RAPGEFL1: variants seen among roughly 807,000 people sequenced by gnomAD.
RAPGEFL1 encodes the protein Rap guanine nucleotide exchange factor like 1, also known as rap guanine nucleotide exchange factor-like 1.
A neutral mutation model predicts 64.4 loss-of-function variants in RAPGEFL1; 31 were observed. The observed-to-expected ratio is 0.48, with a 90% CI of 0.36 to 0.65. RAPGEFL1 has a LOEUF of 0.65. Among genes scored for constraint, RAPGEFL1 ranks in the 30% least tolerant of loss-of-function variants. RAPGEFL1 has a pLI of 0.00. For synonymous variants in RAPGEFL1, 331 were observed against 274.1 expected (o/e 1.21, Z -2.05); for missense variants, 682 against 677.4 (o/e 1.01, Z -0.08).
At position 40,193,840 on chromosome 17, in the gene RAPGEFL1, G is replaced by A; in HGVS notation, c.*52G>A. The A allele has an allele frequency of 1.9e-6, 3 of 1,610,420 alleles. No individual in the cohort carries two copies. Among genetic ancestry groups the A allele is most frequent in the African/African-American group, 1.3e-5 (1 of 74,900 alleles). On this transcript the variant is annotated 3_prime_UTR_variant, in exon 15 of 15. Transcript: ENST00000620260. ...AGATCCTTGGGCACCTGGCACTCAA[G>A]CACTTTGCACGATGTCTCAACCAAC...
At chr17:40,181,419 C>A in intron 1 of RAPGEFL1, 197 bp from the exon 2 acceptor site, 2 of 630,966 alleles carry the variant, frequency 3.2e-6, no homozygotes, top group Non-Finnish European at 5.9e-6. Flanking sequence ...AGCTGCCGAA[C>A]CCACCCTCGC....
upstream of RAPGEFL1, chr17:40,177,436 G>A (rs1989741501): frequency 4.5e-6 from 3 of 659,420 alleles, no homozygotes; most frequent in South Asian, 1.6e-5. Context: ...ACTGGGCGGG[G>A]ACTGGAGGAG....
rs1043771691 is a variant in RAPGEFL1 at position 40,189,371 on chromosome 17, T to C, written c.1110T>C (p.Ser370=). The change falls in exon 6 of 15, where the codon TCT becomes TCC. Residue 370 remains serine (S), a synonymous_variant. Transcript: ENST00000620260. ...TCATCCTGGTAGCTGTGTCCTCCTC[T>C]GGAGGTGAGGGTCAGGAAGAACTGG... ...DSLILVAVSS[S]GEKVLLQPTE... 15 of 1,613,884 alleles carry C rather than the reference T, an allele frequency of 9.3e-6. No homozygotes were observed. Among genetic ancestry groups the C allele is most frequent in the Non-Finnish European group, 1.2e-5 (14 of 1,179,986 alleles).
Position 40,192,702 on chromosome 17 carries a change from G to A in RAPGEFL1, c.1744+9G>A. ...GCCTCTGATCCTCAAAGGTGAGAGA[G>A]TTACTCCCAAGCTGTGCCGCTTCCA... On this transcript the variant is annotated intron_variant, in intron 12 of 14. Transcript: ENST00000620260. The A allele has an allele frequency of 6.2e-7, 1 of 1,609,196 alleles. No individual in the cohort carries two copies.
Position 40,188,899 on chromosome 17 carries a change from G to A in RAPGEFL1, c.867G>A (p.Gln289=), listed in dbSNP as rs1341749330. The A allele has an allele frequency of 6.2e-7, 1 of 1,614,142 alleles. No individual in the cohort carries two copies. The highest frequency in any genetic ancestry group is 8.5e-7 in the Non-Finnish European group (1 of 1,180,034). The change falls in exon 5 of 15, where the codon CAG becomes CAA. Residue 289 remains glutamine, a synonymous_variant. Transcript: ENST00000620260. The part of the protein sequence containing the change: ...IPEENQPPSK[Q]VKPLFRHFRR... Reference sequence around the variant, plus strand: ...AGGAGAACCAGCCACCCAGCAAGCAGGTGAAGCCACTCTTCCGCCACTTCC... The same window carrying A: ...AGGAGAACCAGCCACCCAGCAAGCAAGTGAAGCCACTCTTCCGCCACTTCC...
intron 2 of RAPGEFL1, among the ~76,000 whole-genome samples, chr17:40,183,744 T>C (rs8071687): frequency 0.081 from 12,213 of 150,438 alleles, 1,189 homozygotes; most frequent in African/African-American, 0.23. Flanking sequence ...TGGTCTCAAA[T>C]TCCTGACCTT....
rs201401157 is a variant in RAPGEFL1, at chr17:40,193,818, T to C, written c.*30T>C. On this transcript the variant is annotated 3_prime_UTR_variant, in exon 15 of 15. Coordinates refer to ENST00000620260, the MANE Select transcript of RAPGEFL1 (RefSeq NM_016339.6). ...GGAGGCTCCAGTCAGACCCGCCAGA[T>C]CCTTGGGCACCTGGCACTCAAGCAC... is the stretch of plus-strand genomic sequence containing the variant. The C allele has an allele frequency of 1.2e-4, 194 of 1,613,358 alleles. No homozygotes were observed. In the Middle Eastern group the frequency reaches 2.0e-3, roughly 16 times the overall value.
In RAPGEFL1 at chr17:40,193,651, C is replaced by T. The variant is rs907256096; in HGVS notation, c.1865-13C>T. 1 of 1,613,990 alleles carries T rather than the reference C, an allele frequency of 6.2e-7. No homozygotes were observed. Among genetic ancestry groups the T allele is most frequent in the African/African-American group, 1.3e-5 (1 of 74,908 alleles). On this transcript the variant is annotated splice_polypyrimidine_tract_variant and intron_variant, in intron 14 of 14. Coordinates refer to ENST00000620260, the MANE Select transcript of RAPGEFL1 (RefSeq NM_016339.6). ...GCTGGGAACCTGACTGCCTCTCCCT[C>T]TTTACCCACTAGGCCTGGACATGGA...
intron 6 of RAPGEFL1, 63 bp downstream of exon 6, chr17:40,189,438 G>A (rs1990186365): frequency 3.2e-6 from 5 of 1,568,090 alleles, no homozygotes; most frequent in Non-Finnish European, 4.4e-6. Flanking sequence ...TCAGGGCTCT[G>A]GGGGAGGGGT....
In RAPGEFL1 at chr17:40,177,481, T is replaced by G; in HGVS notation, c.-381T>G. The stretch of plus-strand genomic sequence containing the variant: ...TCTCGGTTCTGCCACCTTCCCCCTC[T>G]TCACGGCCAGGAGCGCAGCCGCCGC... On this transcript the variant is annotated 5_prime_UTR_variant, in exon 1 of 15. Coordinates refer to ENST00000620260, the MANE Select transcript of RAPGEFL1 (RefSeq NM_016339.6). The G allele has an allele frequency of 4.8e-6, 3 of 621,696 alleles. No individual in the cohort carries two copies. The highest frequency in any genetic ancestry group is 5.8e-6 in the Non-Finnish European group (2 of 347,000). The allele number at this position is 621,696 out of a possible 1,614,324, so 38.5% of individuals were successfully genotyped here. A position where few individuals can be genotyped will look rare whatever the true frequency, so the allele number is the denominator to read the frequency against.
intron 4 of RAPGEFL1, among the ~76,000 whole-genome samples, chr17:40,185,785 A>G (rs972713421): frequency 2.2e-5 from 3 of 137,404 alleles, no homozygotes; most frequent in Admixed American, 1.4e-4. Context: ...TTCTGTCTCA[A>G]AAAAAAAAAA....
intron 11 of RAPGEFL1, 103 bp from the exon 12 acceptor site, chr17:40,192,503 G>T: frequency 9.3e-7 from 1 of 1,071,920 alleles, no homozygotes; most frequent in South Asian, 1.4e-5. Flanking sequence ...ACCCCTATCT[G>T]ATCAGGAATG....
chr17:40,191,678 G>C lies in RAPGEFL1; in HGVS notation c.1605+6G>C, dbSNP rs752139952. 15 of 1,607,748 alleles carry C rather than the reference G, an allele frequency of 9.3e-6. No individual in the cohort carries two copies. Among genetic ancestry groups the C allele is most frequent in the Non-Finnish European group, 1.3e-5 (15 of 1,177,336 alleles). ...GCCTTCGACTCACCTGGGAGGTGATGAGACCCCTCCCGTTCCTACCTGGGA... is the reference window on the plus strand; with the variant it reads ...GCCTTCGACTCACCTGGGAGGTGATCAGACCCCTCCCGTTCCTACCTGGGA... On this transcript the variant is annotated splice_donor_region_variant and intron_variant, in intron 10 of 14. Coordinates refer to ENST00000620260, the MANE Select transcript of RAPGEFL1 (RefSeq NM_016339.6). The surrounding 1 kb of genome is among the most constrained non-coding windows in gnomAD (Gnocchi z 5.1).
rs905023788 is a variant in RAPGEFL1, at chr17:40,193,465, A to G, written c.1864+48A>G. 1.9e-6 allele frequency: 3 copies of G among 1,606,770 alleles called. No homozygotes were observed. In the African/African-American group the frequency reaches 4.0e-5, roughly 22 times the overall value. On this transcript the variant is annotated intron_variant, in intron 14 of 14. Transcript: ENST00000620260. ...GCAGTACAGATAGAGCTTTGACTGA[A>G]CGGGAGGGTTCAGGGGAGAACTCCC... is the stretch of plus-strand genomic sequence containing the variant.
At chr17:40,182,404 T>G (rs890643084) in intron 2 of RAPGEFL1, among the ~76,000 whole-genome samples, 12 of 151,498 alleles carry the variant, frequency 7.9e-5, no homozygotes, top group Admixed American at 5.3e-4. Flanking sequence ...CTCTGCCTCC[T>G]GGGTTCAAGC....
rs779824799 is a variant in RAPGEFL1, at chr17:40,191,424, G to C, written c.1444G>C (p.Glu482Gln). ...CSEVTHWVATEVLLCEAPGKR... is the reference protein window; with the variant it reads ...CSEVTHWVATQVLLCEAPGKR... Reference sequence around the variant, plus strand: ...CGAGGTCACGCACTGGGTGGCCACCGAAGTGCTGCTCTGCGAGGCCCCGGG... The same window carrying C: ...CGAGGTCACGCACTGGGTGGCCACCCAAGTGCTGCTCTGCGAGGCCCCGGG... Residue 482 changes from glutamate (E) to glutamine (Q), a missense_variant, in exon 9 of 15, where the codon GAA (glutamate) becomes CAA (glutamine). By Grantham distance (29) the Glu-to-Gln change is conservative (BLOSUM62 2). This residue lies in a region of RAPGEFL1 where 411 missense variants were observed against 519.4 expected (regional missense o/e 0.79). Coordinates refer to ENST00000620260, the MANE Select transcript of RAPGEFL1 (RefSeq NM_016339.6). The surrounding 1 kb of genome is among the most constrained non-coding windows in gnomAD (Gnocchi z 5.1). The C allele has an allele frequency of 1.2e-6, 2 of 1,605,918 alleles. No homozygotes were observed. The highest frequency in any genetic ancestry group is 3.4e-5 in the Admixed American group (2 of 59,418).
rs903019148 is a variant in RAPGEFL1, at chr17:40,190,372, G to T, written c.1115-62G>T. The T allele has an allele frequency of 1.5e-5, 21 of 1,419,298 alleles. No homozygotes were observed. In the African/African-American group the frequency reaches 2.8e-4, roughly 19 times the overall value. 87.9% of individuals were successfully genotyped at this position (1,419,298 alleles called of 1,614,324 possible). A position where few individuals can be genotyped will look rare whatever the true frequency, so the allele number is the denominator to read the frequency against. On this transcript the variant is annotated intron_variant, in intron 6 of 14. Coordinates refer to ENST00000620260, the MANE Select transcript of RAPGEFL1 (RefSeq NM_016339.6). The stretch of plus-strand genomic sequence containing the variant: ...GGAGTTTTTGGATAGGACAGTGTCA[G>T]TGTGGGATGTGTGAGGGTGCAGGCG...
At chr17:40,187,929 T>TTTTTTTTTG (rs1567694781) in intron 4 of RAPGEFL1, among the ~76,000 whole-genome samples, 1 of 143,792 alleles carries the variant, frequency 7.0e-6, no homozygotes, top group Non-Finnish European at 1.5e-5. Flanking sequence ...TTTTTTTTTT[T>TTTTTTTTTG]TTTTTGAGAT....
chr17:40,178,432 C>T (rs1598436738), intron 1 of RAPGEFL1, 51 bp downstream of exon 1: 1 of 469,610 alleles, frequency 2.1e-6, no homozygotes, highest in East Asian at 3.5e-5. Context: ...GCCCCGGCTC[C>T]TCTTCCTTGC....
Sources: allele counts gnomAD v4.1 joint callset (sites outside exome capture counted in the v4.1 genomes callset), GRCh38; gene constraint gnomAD v4.1.1; regional missense constraint gnomAD v4.1.1; non-coding constraint Gnocchi (gnomAD v3.1); transcripts MANE v1.5; gene names NCBI Gene and HGNC (gene_info 2026-07-23, HGNC 2026-07-21).